Variants in HS3ST3A1 observed in about 807,000 individuals in gnomAD.
HS3ST3A1 encodes the protein heparan sulfate glucosamine 3-O-sulfotransferase 3A1.
In HS3ST3A1, 19 loss-of-function variants were observed where a neutral mutation model predicts 25.7. That is an observed-to-expected ratio of 0.74 (90% CI 0.52 to 1.08). HS3ST3A1 has a LOEUF of 1.08. Ranked by LOEUF, HS3ST3A1 falls within the 50% of genes least tolerant of loss-of-function variation. The pLI, the probability that HS3ST3A1 is intolerant of heterozygous loss-of-function variation, is 0.00. For missense variants in HS3ST3A1, 459 were observed against 594.3 expected, an observed-to-expected ratio of 0.77 and a Z score of 2.37; for synonymous variants, 226 against 278.6, an observed-to-expected ratio of 0.81 and a Z score of 1.88.
chr17:13,582,111 CT>C lies in HS3ST3A1; in HGVS notation c.599+18419del, dbSNP rs11369821. 7.0e-3 allele frequency among the ~76,000 whole-genome samples: 1,051 copies of C among 149,466 alleles called. 15 individuals are homozygous for C. Among genetic ancestry groups the C allele is most frequent in the African/African-American group, 0.024 (983 of 40,906 alleles). ...ACAAATGACAGGAAGTGTTCCTCCT[CT>C]TTTTTTTTTCTGATGGATGTTATAA... On this transcript the variant is annotated intron_variant, in intron 1 of 1. Coordinates refer to ENST00000284110, the MANE Select transcript of HS3ST3A1 (RefSeq NM_006042.3).
At chr17:13,532,906 T>TACAC (rs372721576) in intron 1 of HS3ST3A1, among the ~76,000 whole-genome samples, 145 of 146,696 alleles carry the variant, frequency 9.9e-4, no homozygotes, top group African/African-American at 3.3e-3. Context: ...TATGTTTATA[T>TACAC]ACACACACAC....
chr17:13,562,025 G>A (rs996237410), intron 1 of HS3ST3A1, among the ~76,000 whole-genome samples: 10 of 151,984 alleles, frequency 6.6e-5, no homozygotes, highest in Non-Finnish European at 1.0e-4. Context: ...AAGTCACGCC[G>A]CCCATGTCCC....
chr17:13,601,843 G>C lies in HS3ST3A1; in HGVS notation c.-714C>G, dbSNP rs1033530132. On this transcript the variant is annotated 5_prime_UTR_variant, in exon 1 of 2. Coordinates refer to ENST00000284110, the MANE Select transcript of HS3ST3A1 (RefSeq NM_006042.3). ...CCCCACCTGTGAGCCGCGTGGCTGG[G>C]CTGGGCTGGGCTGCGCGGGACCTGT... is the stretch of plus-strand genomic sequence containing the variant. The C allele has an allele frequency of 6.5e-6, 1 of 153,458 alleles. No individual in the cohort carries two copies. The highest frequency in any genetic ancestry group is 1.4e-5 in the Non-Finnish European group (1 of 69,162). 9.5% of individuals were successfully genotyped at this position (153,458 alleles called of 1,614,324 possible). A position where few individuals can be genotyped will look rare whatever the true frequency, so the allele number is the denominator to read the frequency against.
intron 1 of HS3ST3A1, among the ~76,000 whole-genome samples, chr17:13,585,816 G>A (rs1269042296): frequency 1.0e-5 from 1 of 97,316 alleles, no homozygotes. Flanking sequence ...CGTTCCCCTT[G>A]AGACCTGTTA....
intron 1 of HS3ST3A1, among the ~76,000 whole-genome samples, chr17:13,547,058 C>G (rs1389220905): frequency 6.6e-6 from 1 of 152,160 alleles, no homozygotes; most frequent in Non-Finnish European, 1.5e-5. Flanking sequence ...TTAATGATTA[C>G]CAAATTTCTT....
chr17:13,591,460 G>T (rs1908421609), intron 1 of HS3ST3A1, among the ~76,000 whole-genome samples: 1 of 152,096 alleles, frequency 6.6e-6, no homozygotes, highest in Non-Finnish European at 1.5e-5. Context: ...AATGACACAA[G>T]ATTTCTAATA....
chr17:13,529,732 C>T (rs1906543484), intron 1 of HS3ST3A1, among the ~76,000 whole-genome samples: 1 of 152,094 alleles, frequency 6.6e-6, no homozygotes, highest in South Asian at 2.1e-4. Flanking sequence ...ACAGGGAAAA[C>T]ATTTTGTGGG....
chr17:13,583,633 C>T (rs926608915), intron 1 of HS3ST3A1, among the ~76,000 whole-genome samples: 5 of 152,170 alleles, frequency 3.3e-5, no homozygotes, highest in African/African-American at 4.8e-5. Context: ...AAAAGAAACT[C>T]ATGGTGAAAT....
chr17:13,537,229 C>A (rs941597759), intron 1 of HS3ST3A1, among the ~76,000 whole-genome samples: 1 of 152,204 alleles, frequency 6.6e-6, no homozygotes, highest in Non-Finnish European at 1.5e-5. Flanking sequence ...AACAGACAGG[C>A]AGGTTAGGAA....
chr17:13,540,112 CAT>C (rs1906887463), intron 1 of HS3ST3A1, among the ~76,000 whole-genome samples: 1 of 152,166 alleles, frequency 6.6e-6, no homozygotes, highest in Non-Finnish European at 1.5e-5. Flanking sequence ...ATAAATAAAA[CAT>C]ATTTTTGTGA....
chr17:13,560,390 G>C (rs559638342), intron 1 of HS3ST3A1, among the ~76,000 whole-genome samples: 3 of 144,088 alleles, frequency 2.1e-5, no homozygotes, highest in Non-Finnish European at 3.0e-5. Context: ...TTCTCTGTGT[G>C]TGTGTAACTC....
chr17:13,585,640 T>C (rs902799639), intron 1 of HS3ST3A1, among the ~76,000 whole-genome samples: 1 of 151,898 alleles, frequency 6.6e-6, no homozygotes, highest in Non-Finnish European at 1.5e-5. Context: ...TAAGCACCAG[T>C]AGGACTCGGA....
At chr17:13,543,153 C>G (rs1567619112) in intron 1 of HS3ST3A1, among the ~76,000 whole-genome samples, 1 of 152,188 alleles carries the variant, frequency 6.6e-6, no homozygotes, top group Admixed American at 6.5e-5. Context: ...GTGAGCCACT[C>G]TAGCAAATTA....
intron 1 of HS3ST3A1, among the ~76,000 whole-genome samples, chr17:13,548,639 G>T (rs1023978780): frequency 2.0e-5 from 3 of 152,160 alleles, no homozygotes; most frequent in African/African-American, 7.2e-5. Context: ...CTTCTGGGTC[G>T]GGCGGGGACT....
At chr17:13,536,387 T>C (rs945689390) in intron 1 of HS3ST3A1, among the ~76,000 whole-genome samples, 2 of 152,210 alleles carry the variant, frequency 1.3e-5, no homozygotes, top group Admixed American at 6.5e-5. Flanking sequence ...TGAGAAAATA[T>C]ACTCTTTGTT....
chr17:13,506,137 ATAGTAT>A (rs1395601392), intron 1 of HS3ST3A1, among the ~76,000 whole-genome samples: 3 of 150,810 alleles, frequency 2.0e-5, no homozygotes, highest in East Asian at 1.9e-4. Flanking sequence ...TGGAGACAAA[ATAGTAT>A]TAGTTTTATT....
chr17:13,501,959 T>C (rs545201097), intron 1 of HS3ST3A1, among the ~76,000 whole-genome samples: 15 of 152,326 alleles, frequency 9.8e-5, no homozygotes, highest in African/African-American at 3.4e-4. Context: ...TATCTTATTA[T>C]GGTGTGAGAG....
At chr17:13,565,487 G>A (rs971365209) in intron 1 of HS3ST3A1, among the ~76,000 whole-genome samples, 32 of 152,258 alleles carry the variant, frequency 2.1e-4, no homozygotes, top group African/African-American at 1.2e-4. Context: ...AGCTGTGATC[G>A]TGCCACTGCA....
At chr17:13,500,077 C>T (rs1337602930) in intron 1 of HS3ST3A1, among the ~76,000 whole-genome samples, 1 of 151,794 alleles carries the variant, frequency 6.6e-6, no homozygotes, top group South Asian at 2.1e-4. Flanking sequence ...TTTTTTCAAA[C>T]AAGTCAATGA....
Sources: gnomAD v4.1 joint callset for allele counts (sites outside exome capture counted in the v4.1 genomes callset) on GRCh38, gnomAD v4.1.1 for gene constraint, MANE v1.5 for transcripts, NCBI Gene and HGNC (gene_info 2026-07-23, HGNC 2026-07-21) for gene names.